The following ITM2B variants were observed in gnomAD, a reference collection of about 807,000 sequenced individuals.
The protein encoded by ITM2B is integral membrane protein 2B.
Under a neutral mutation model 27.8 loss-of-function variants are expected in ITM2B, and 11 were observed. The observed-to-expected ratio is 0.40, with a 90% CI of 0.25 to 0.66. ITM2B has a LOEUF of 0.66. Ranked by LOEUF, ITM2B falls within the 30% of genes least tolerant of loss-of-function variation. The pLI is 0.43. For missense variants in ITM2B, 296 were observed against 328.9 expected (o/e 0.90, Z 0.77); for synonymous variants, 114 against 114.3 (o/e 1.00, Z 0.02).
intron 1 of ITM2B, among the ~76,000 whole-genome samples, chr13:48,238,367 CTT>C (rs893591649): frequency 6.6e-6 from 1 of 152,068 alleles, no homozygotes; most frequent in Non-Finnish European, 1.5e-5. Flanking sequence ...GAGGAAAAAA[CTT>C]TTTGCAGTAT....
chr13:48,253,187 G>A (rs1951764159), intron 1 of ITM2B, among the ~76,000 whole-genome samples: 1 of 152,178 alleles, frequency 6.6e-6, no homozygotes, highest in Non-Finnish European at 1.5e-5. Flanking sequence ...GGGTAGAGCA[G>A]TGGCATAATA....
rs1420477406 is a variant in ITM2B at position 48,266,631 on chromosome 13, A to G, written c.*5407A>G. 4 of 152,132 alleles carry G rather than the reference A, an allele frequency of 2.6e-5. No individual in the cohort carries two copies. Among genetic ancestry groups the G allele is most frequent in the African/African-American group, 7.2e-5 (3 of 41,440 alleles). 9.4% of individuals were successfully genotyped at this position (152,132 alleles called of 1,614,324 possible). ...CAAAGGGGGTTTTTTTGGGCAGACA[A>G]TCTTCATTATTCAGATGGAAATTAA... On this transcript the variant is annotated 3_prime_UTR_variant, in exon 6 of 6. Coordinates refer to ENST00000647800, the MANE Select transcript of ITM2B (RefSeq NM_021999.5).
At chr13:48,234,447 A>G (rs1431488687) in intron 1 of ITM2B, among the ~76,000 whole-genome samples, 1 of 152,046 alleles carries the variant, frequency 6.6e-6, no homozygotes, top group Admixed American at 6.5e-5. Flanking sequence ...TGCTTATCTT[A>G]TTTTTTGTTG....
At position 48,263,947 on chromosome 13, in the gene ITM2B, ATGTGTG is replaced by A. The variant is rs956902027; in HGVS notation, c.*2733_*2738del. 6.6e-6 allele frequency: 1 copy of A among 151,598 alleles called. No homozygotes were observed. Among genetic ancestry groups the A allele is most frequent in the African/African-American group, 2.4e-5 (1 of 41,284 alleles). The allele number at this position is 151,598 out of a possible 1,614,324, so 9.4% of individuals were successfully genotyped here. On this transcript the variant is annotated 3_prime_UTR_variant, in exon 6 of 6. Transcript: ENST00000647800. ...CAAGTTCCATAATGCACCCCATCATATGTGTGTGTGTGTGTATTTATTTATTTATCT... is the reference window on the plus strand; with the variant it reads ...CAAGTTCCATAATGCACCCCATCATATGTGTGTGTATTTATTTATTTATCT...
chr13:48,266,151 A>G lies in ITM2B; in HGVS notation c.*4927A>G, dbSNP rs746672957. The stretch of plus-strand genomic sequence containing the variant: ...GGTCTGAGTGAGTTGCCTTGAATAT[A>G]AGATTCAGTGATGGTGTCCTGCTGC... On this transcript the variant is annotated 3_prime_UTR_variant, in exon 6 of 6. Transcript: ENST00000647800. The G allele has an allele frequency of 6.6e-5, 10 of 152,104 alleles. No individual in the cohort carries two copies. The highest frequency in any genetic ancestry group is 1.2e-4 in the Non-Finnish European group (8 of 68,030). 9.4% of individuals were successfully genotyped at this position (152,104 alleles called of 1,614,324 possible).
chr13:48,264,500 T>C lies in ITM2B; in HGVS notation c.*3276T>C, dbSNP rs1951841182. The stretch of plus-strand genomic sequence containing the variant: ...ATGTTTGAATGTGGTTATGAATTAA[T>C]ATGGGCAGAATCTCTAAGATTCTGC... On this transcript the variant is annotated 3_prime_UTR_variant, in exon 6 of 6. Coordinates refer to ENST00000647800, the MANE Select transcript of ITM2B (RefSeq NM_021999.5). The C allele has an allele frequency of 6.6e-6, 1 of 152,182 alleles. No homozygotes were observed. Among genetic ancestry groups the C allele is most frequent in the African/African-American group, 2.4e-5 (1 of 41,446 alleles). 9.4% of individuals were successfully genotyped at this position (152,182 alleles called of 1,614,324 possible). A position where few individuals can be genotyped will look rare whatever the true frequency, so the allele number is the denominator to read the frequency against.
At chr13:48,254,749 CA>C (rs1951775577) in intron 2 of ITM2B, among the ~76,000 whole-genome samples, 1 of 151,922 alleles carries the variant, frequency 6.6e-6, no homozygotes, top group Non-Finnish European at 1.5e-5. Flanking sequence ...GATAATCAAT[CA>C]CATGTTGATA....
rs1006020146 is a variant in ITM2B, at chr13:48,268,464, C to G, written c.*7240C>G. ...ACTCTACAGGCGTATGCCACCATAC[C>G]TAGTTTGTTTTTGTTATTTTTTTTA... On this transcript the variant is annotated 3_prime_UTR_variant, in exon 6 of 6. Coordinates refer to ENST00000647800, the MANE Select transcript of ITM2B (RefSeq NM_021999.5). 6.6e-6 allele frequency: 1 copy of G among 151,866 alleles called. No homozygotes were observed. The highest frequency in any genetic ancestry group is 1.5e-5 in the Non-Finnish European group (1 of 68,022). 9.4% of individuals were successfully genotyped at this position (151,866 alleles called of 1,614,324 possible).
intron 2 of ITM2B, among the ~76,000 whole-genome samples, chr13:48,254,185 A>G (rs991690440): frequency 3.9e-5 from 6 of 152,218 alleles, no homozygotes; most frequent in African/African-American, 1.4e-4. Flanking sequence ...TATTTAGGTC[A>G]TTGGGTGATT....
chr13:48,266,002 T>C lies in ITM2B; in HGVS notation c.*4778T>C, dbSNP rs1038679406. 2 of 152,172 alleles carry C rather than the reference T, an allele frequency of 1.3e-5. No homozygotes were observed. Among genetic ancestry groups the C allele is most frequent in the African/African-American group, 4.8e-5 (2 of 41,424 alleles). The allele number at this position is 152,172 out of a possible 1,614,324, so 9.4% of individuals were successfully genotyped here. A position where few individuals can be genotyped will look rare whatever the true frequency, so the allele number is the denominator to read the frequency against. On this transcript the variant is annotated 3_prime_UTR_variant, in exon 6 of 6. Coordinates refer to ENST00000647800, the MANE Select transcript of ITM2B (RefSeq NM_021999.5). The stretch of plus-strand genomic sequence containing the variant: ...GCACCTGACACATAGTTGCAGCTCT[T>C]ATTTATTGAATGAATGAATGATTCC...
intron 1 of ITM2B, among the ~76,000 whole-genome samples, chr13:48,253,564 G>A (rs912825641): frequency 6.6e-6 from 1 of 152,116 alleles, no homozygotes; most frequent in Non-Finnish European, 1.5e-5. Context: ...GGGTTAGCAG[G>A]TAGGGTGTTG....
rs74541421 is a variant in ITM2B at position 48,268,057 on chromosome 13, T to C, written c.*6833T>C. On this transcript the variant is annotated 3_prime_UTR_variant, in exon 6 of 6. Coordinates refer to ENST00000647800, the MANE Select transcript of ITM2B (RefSeq NM_021999.5). ...CCATTGTGCTCCTTTCCGGCAAATA[T>C]TCCTTCCCTCTGCTAAAACTACTTT... 1 of 152,328 alleles carries C rather than the reference T, an allele frequency of 6.6e-6. No individual in the cohort carries two copies. The highest frequency in any genetic ancestry group is 1.9e-4 in the East Asian group (1 of 5,186). 9.4% of individuals were successfully genotyped at this position (152,328 alleles called of 1,614,324 possible). A position where few individuals can be genotyped will look rare whatever the true frequency, so the allele number is the denominator to read the frequency against.
chr13:48,246,264 T>G (rs566612054), intron 1 of ITM2B, among the ~76,000 whole-genome samples: 1 of 152,352 alleles, frequency 6.6e-6, no homozygotes, highest in East Asian at 1.9e-4. Flanking sequence ...CTCACAAATA[T>G]AGAGAGCAGC....
At chr13:48,235,086 A>C (rs575179477) in intron 1 of ITM2B, among the ~76,000 whole-genome samples, 1 of 152,326 alleles carries the variant, frequency 6.6e-6, no homozygotes, top group South Asian at 2.1e-4. Flanking sequence ...GAAAGGAGAG[A>C]GTGAGCGAGC....
At chr13:48,250,385 C>T (rs1487398456) in intron 1 of ITM2B, among the ~76,000 whole-genome samples, 3 of 152,000 alleles carry the variant, frequency 2.0e-5, no homozygotes, top group Non-Finnish European at 2.9e-5. Flanking sequence ...TTTGGGAGGC[C>T]GAGGCGGGTG....
At chr13:48,250,462 C>CA (rs374816664) in intron 1 of ITM2B, among the ~76,000 whole-genome samples, 1 of 151,960 alleles carries the variant, frequency 6.6e-6, no homozygotes, top group African/African-American at 2.4e-5. Context: ...ACTAAAAATA[C>CA]AAAAAATTAG....
At chr13:48,256,494 A>G (rs1951789987) in intron 3 of ITM2B, 111 bp downstream of exon 3, 1 of 889,734 alleles carries the variant, frequency 1.1e-6, no homozygotes. Context: ...TTAGTTTAAT[A>G]AACTGTCAGC....
intron 1 of ITM2B, among the ~76,000 whole-genome samples, chr13:48,238,396 G>A (rs1003528799): frequency 1.3e-5 from 2 of 152,010 alleles, no homozygotes; most frequent in African/African-American, 4.8e-5. Context: ...AATTGTACTT[G>A]GGGAAAAATC....
At chr13:48,245,240 T>G (rs1169965673) in intron 1 of ITM2B, among the ~76,000 whole-genome samples, 1 of 151,848 alleles carries the variant, frequency 6.6e-6, no homozygotes, top group African/African-American at 2.4e-5. Context: ...GCAGGAAAAT[T>G]GCTTGAACCT....
Sources: gnomAD v4.1 joint callset for allele counts (sites outside exome capture counted in the v4.1 genomes callset) on GRCh38, gnomAD v4.1.1 for gene constraint, MANE v1.5 for transcripts, NCBI Gene and HGNC (gene_info 2026-07-23, HGNC 2026-07-21) for gene names.